The following FAM120B variants were observed in gnomAD, a reference collection of about 807,000 sequenced individuals.
FAM120B encodes family with sequence similarity 120 member B, also known as constitutive coactivator of peroxisome proliferator-activated receptor gamma.
FAM120B carries 83 observed loss-of-function variants against 96.3 expected under a neutral mutation model. That is an observed-to-expected ratio of 0.86 (90% CI 0.72 to 1.03). The LOEUF is 1.03. Among genes scored for constraint, FAM120B ranks in the 50% least tolerant of loss-of-function variants. The pLI, the probability that FAM120B is intolerant of heterozygous loss-of-function variation, is 0.00. For missense variants in FAM120B, 1,027 were observed against 1,121.2 expected (o/e 0.92, Z 1.20); for synonymous variants, 407 against 402.7 (o/e 1.01, Z -0.13).
At chr6:170,329,137 C>G (rs1483340654) in intron 3 of FAM120B, among the ~76,000 whole-genome samples, 1 of 152,260 alleles carries the variant, frequency 6.6e-6, no homozygotes, top group African/African-American at 2.4e-5. Flanking sequence ...TGATAGCTCT[C>G]TCTTCAGCCA....
chr6:170,343,278 T>TCTCACTGG, intron 4 of FAM120B, among the ~76,000 whole-genome samples: 58 of 152,200 alleles, frequency 3.8e-4, no homozygotes, highest in African/African-American at 1.4e-3. Context: ...AATTAAAGCC[T>TCTCACTGG]TTTTGTAGAG....
rs531561313 is a variant in FAM120B, at chr6:170,331,366, C to T, written c.2017+816C>T. 3.5e-4 allele frequency among the ~76,000 whole-genome samples: 54 copies of T among 152,226 alleles called. 1 individual carries two copies. The highest frequency in any genetic ancestry group is 1.2e-3 in the Admixed American group (18 of 15,302). ...TCGCTACTATTTTCCATGACATGAA[C>T]GTGTAATTTACCAAGTACAGATCTG... On this transcript the variant is annotated intron_variant, in intron 4 of 10. Coordinates refer to ENST00000476287, the MANE Select transcript of FAM120B (RefSeq NM_032448.3).
intron 4 of FAM120B, among the ~76,000 whole-genome samples, chr6:170,335,534 T>G (rs1414975901): frequency 6.6e-6 from 1 of 152,192 alleles, no homozygotes; most frequent in Non-Finnish European, 1.5e-5. Context: ...CATGTGTCTT[T>G]ATAGTAGAAA....
chr6:170,304,956 A>C (rs1366879888), upstream of FAM120B, among the ~76,000 whole-genome samples: 1 of 152,132 alleles, frequency 6.6e-6, no homozygotes, highest in Non-Finnish European at 1.5e-5. Context: ...ATCAGGCACC[A>C]GCATGGTTAG....
chr6:170,352,526 A>C (rs935377123), intron 5 of FAM120B, among the ~76,000 whole-genome samples: 3 of 152,222 alleles, frequency 2.0e-5, no homozygotes, highest in Non-Finnish European at 4.4e-5. Flanking sequence ...ACATAATCGG[A>C]AGTAAAACAC....
rs1410152113 is a variant in FAM120B at position 170,405,934 on chromosome 6, C to T, written c.*1183C>T. The T allele has an allele frequency of 6.6e-6, 1 of 152,158 alleles. No homozygotes were observed. The highest frequency in any genetic ancestry group is 1.5e-5 in the Non-Finnish European group (1 of 68,046). The allele number at this position is 152,158 out of a possible 1,614,324, so 9.4% of individuals were successfully genotyped here. On this transcript the variant is annotated 3_prime_UTR_variant, in exon 11 of 11. Coordinates refer to ENST00000476287, the MANE Select transcript of FAM120B (RefSeq NM_032448.3). ...TGAGAGCAGCCAGCGGCTGGGCTGC[C>T]ATCAGGCCTGGTTTATGATGCCACA...
At chr6:170,335,834 G>T (rs895083374) in intron 4 of FAM120B, among the ~76,000 whole-genome samples, 1 of 152,132 alleles carries the variant, frequency 6.6e-6, no homozygotes, top group Non-Finnish European at 1.5e-5. Flanking sequence ...TCATATGTTT[G>T]TTGGCTGCAT....
intron 5 of FAM120B, among the ~76,000 whole-genome samples, chr6:170,355,605 G>T (rs1012246774): frequency 6.6e-6 from 1 of 152,012 alleles, no homozygotes; most frequent in Non-Finnish European, 1.5e-5. Context: ...AGGAAGAATC[G>T]CTAATGGATG....
rs2115246617 is a variant in FAM120B, at chr6:170,370,283, G to T, written c.2283+11965G>T. Among the ~76,000 whole-genome samples, 1 of 152,302 alleles carries T rather than the reference G, an allele frequency of 6.6e-6. No individual in the cohort carries two copies. Among genetic ancestry groups the T allele is most frequent in the African/African-American group, 2.4e-5 (1 of 41,570 alleles). Reference sequence around the variant, plus strand: ...GGCCCTTGCTGCCCAGACAGTCCATGCAGACCTTTCTTTTCTGAGACGCAG... The same window carrying T: ...GGCCCTTGCTGCCCAGACAGTCCATTCAGACCTTTCTTTTCTGAGACGCAG... On this transcript the variant is annotated intron_variant, in intron 6 of 10. Coordinates refer to ENST00000476287, the MANE Select transcript of FAM120B (RefSeq NM_032448.3). The surrounding 1 kb of genome is among the most constrained non-coding windows in gnomAD (Gnocchi z 4.3).
intron 9 of FAM120B, among the ~76,000 whole-genome samples, chr6:170,399,566 G>A (rs945088865): frequency 6.6e-6 from 1 of 150,882 alleles, no homozygotes; most frequent in Admixed American, 6.6e-5. Context: ...GAGTGAGAAA[G>A]GTAGAACTAT....
At chr6:170,291,795 C>T (rs1583159874), upstream of FAM120B, among the ~76,000 whole-genome samples, 1 of 152,210 alleles carries the variant, frequency 6.6e-6, no homozygotes, top group East Asian at 1.9e-4. Flanking sequence ...GCCCGGGGGC[C>T]GGACAGCATA....
chr6:170,323,004 G>C (rs1364023014), intron 2 of FAM120B, 75 bp from the exon 3 acceptor site: 1 of 1,265,016 alleles, frequency 7.9e-7, no homozygotes, highest in Admixed American at 2.5e-5. Context: ...ATGATGAAAG[G>C]CATTGACTTT....
intron 1 of FAM120B, among the ~76,000 whole-genome samples, chr6:170,309,582 T>C (rs1310835989): frequency 6.6e-6 from 1 of 152,140 alleles, no homozygotes; most frequent in African/African-American, 2.4e-5. Flanking sequence ...TACCTATCTG[T>C]GCACATCCGT....
At chr6:170,332,697 T>C (rs1432771487) in intron 4 of FAM120B, among the ~76,000 whole-genome samples, 1 of 147,416 alleles carries the variant, frequency 6.8e-6, no homozygotes, top group Non-Finnish European at 1.5e-5. Flanking sequence ...AGACTCCATC[T>C]CAAAAAAAAA....
Position 170,345,923 on chromosome 6 carries a change from A to G in FAM120B, c.2018-2228A>G, listed in dbSNP as rs117265060. Among the ~76,000 whole-genome samples, 194 of 152,342 alleles carry G rather than the reference A, an allele frequency of 1.3e-3. 3 individuals are homozygous for G. The highest frequency in any genetic ancestry group is 0.011 in the Admixed American group (173 of 15,306). On this transcript the variant is annotated intron_variant, in intron 4 of 10. Transcript: ENST00000476287. ...TGATTCTCTCATGAGAACATCATAG[A>G]ATGTACTTGCACAAACCTAAATTGT...
chr6:170,346,500 G>A (rs1029524782), intron 4 of FAM120B, among the ~76,000 whole-genome samples: 1 of 152,112 alleles, frequency 6.6e-6, no homozygotes, highest in Non-Finnish European at 1.5e-5. Context: ...CCTTAGATCC[G>A]AGACTAGTAA....
upstream of FAM120B, among the ~76,000 whole-genome samples, chr6:170,293,737 T>C (rs577785084): frequency 1.3e-5 from 2 of 151,124 alleles, no homozygotes; most frequent in East Asian, 2.0e-4. Context: ...TTCTCCTCCT[T>C]CTTCTCCTTC....
chr6:170,352,926 T>TA (rs953311637), intron 5 of FAM120B, among the ~76,000 whole-genome samples: 16 of 149,408 alleles, frequency 1.1e-4, no homozygotes, highest in East Asian at 3.9e-4. Flanking sequence ...AAAAACCTTT[T>TA]AAAAAAAAAT....
At chr6:170,311,089 G>A (rs1784563979) in intron 1 of FAM120B, among the ~76,000 whole-genome samples, 1 of 152,098 alleles carries the variant, frequency 6.6e-6, no homozygotes, top group South Asian at 2.1e-4. Context: ...TCCCAGAATA[G>A]GGAGGGAGAG....
Sources: gnomAD v4.1 joint callset for allele counts (sites outside exome capture counted in the v4.1 genomes callset) on GRCh38, gnomAD v4.1.1 for gene constraint, Gnocchi (gnomAD v3.1) non-coding constraint, MANE v1.5 for transcripts, NCBI Gene and HGNC (gene_info 2026-07-23, HGNC 2026-07-21) for gene names.